Variants in EIF5B observed in about 807,000 individuals in gnomAD.
EIF5B encodes the protein eIF-5B.
In EIF5B, 47 loss-of-function variants were observed where a neutral mutation model predicts 147.5. That is an observed-to-expected ratio of 0.32 (90% confidence interval 0.25 to 0.41). The LOEUF is 0.41. EIF5B is among the 10% of genes least tolerant of loss of function. The pLI is 1.00. For missense variants in EIF5B, 1,064 were observed against 1,413.2 expected (o/e 0.75, Z 3.96); for synonymous variants, 455 against 456.2 (o/e 1.00, Z 0.03).
intron 1 of EIF5B, among the ~76,000 whole-genome samples, chr2:99,343,490 G>T (rs11123783): frequency 0.83 from 126,471 of 151,954 alleles, 53,209 homozygotes; most frequent in Middle Eastern, 0.98. Flanking sequence ...GCCAAATCCA[G>T]GGTCGTGAAG....
intron 1 of EIF5B, among the ~76,000 whole-genome samples, chr2:99,348,363 G>A (rs1315551131): frequency 6.6e-6 from 1 of 152,214 alleles, no homozygotes; most frequent in Non-Finnish European, 1.5e-5. Context: ...AGAGTTGAGA[G>A]TGAAAACTGT....
In EIF5B at chr2:99,382,216, G is replaced by C; in HGVS notation, c.2119G>C (p.Glu707Gln). 6.2e-7 allele frequency: 1 copy of C among 1,612,946 alleles called. No individual in the cohort carries two copies. The change falls in exon 13 of 24, where the codon GAA becomes CAA. Residue 707 changes from glutamate to glutamine, a missense_variant. Transcript: ENST00000289371. ...GMLIIDTPGH[E>Q]SFSNLRNRGS... ...GCTAATTATTGATACTCCTGGGCATGAATCTTTCAGGTAAGAGCAATTTGA... is the reference window on the plus strand; with the variant it reads ...GCTAATTATTGATACTCCTGGGCATCAATCTTTCAGGTAAGAGCAATTTGA...
In EIF5B at chr2:99,361,395, A is replaced by G; in HGVS notation, c.494A>G (p.Glu165Gly). The G allele has an allele frequency of 6.2e-7, 1 of 1,613,926 alleles. No individual in the cohort carries two copies. The highest frequency in any genetic ancestry group is 8.5e-7 in the Non-Finnish European group (1 of 1,180,008). The change falls in exon 4 of 24, where the codon GAG (glutamate) becomes GGG (glycine). Residue 165 changes from glutamate (E) to glycine (G), a missense_variant. Glu to Gly is a moderately conservative substitution (Grantham distance 98). Transcript: ENST00000289371. ...QKSNKKWDGS[E>G]EDEDNSKKIK... Reference sequence around the variant, plus strand: ...TCAAATAAGAAGTGGGATGGGTCAGAGGAGGATGAGGATAACAGTAAAAAA... The same window carrying G: ...TCAAATAAGAAGTGGGATGGGTCAGGGGAGGATGAGGATAACAGTAAAAAA...
At chr2:99,351,691 T>G (rs1673968557) in intron 1 of EIF5B, among the ~76,000 whole-genome samples, 1 of 152,052 alleles carries the variant, frequency 6.6e-6, no homozygotes, top group Non-Finnish European at 1.5e-5. Context: ...CATTGTGTTT[T>G]TTTTTTGTTT....
At chr2:99,337,740 A>G in intron 1 of EIF5B, 151 bp downstream of exon 1, 1 of 1,058,868 alleles carries the variant, frequency 9.4e-7, no homozygotes, top group South Asian at 1.8e-5. Context: ...AGCGGGCCCA[A>G]GCCCCCGGGC....
At chr2:99,375,018 A>G (rs7606977) in intron 9 of EIF5B, among the ~76,000 whole-genome samples, 66,366 of 151,712 alleles carry the variant, frequency 0.44, 14,779 homozygotes, top group Admixed American at 0.57. Flanking sequence ...TGAGTTCTCA[A>G]TTTCATTTGT....
At chr2:99,384,085 T>C (rs1310819673) in intron 14 of EIF5B, among the ~76,000 whole-genome samples, 1 of 149,488 alleles carries the variant, frequency 6.7e-6, no homozygotes, top group Non-Finnish European at 1.5e-5. Flanking sequence ...TAGTCCCAGC[T>C]ACTCGGGAGG....
intron 17 of EIF5B, 25 bp downstream of exon 17, chr2:99,390,730 C>CA (rs1559260071): frequency 6.3e-7 from 1 of 1,587,454 alleles, no homozygotes; most frequent in East Asian, 2.3e-5. Context: ...GAAGCATTGA[C>CA]ACGTGGGGAC....
chr2:99,360,252 G>T lies in EIF5B; in HGVS notation c.52G>T (p.Asp18Tyr). The change falls in exon 2 of 24, where the codon GAT (aspartate) becomes TAT (tyrosine). Residue 18 changes from aspartate (D) to tyrosine (Y), a missense_variant. Asp to Tyr is a radical substitution (Grantham distance 160). Transcript: ENST00000289371. ...TCATTTAAGCACCAAGGATGACATT[G>T]ATCTTGATGCCTTGGCTGCAGAAAT... The part of the protein sequence containing the change: ...KSEDSTKDDI[D>Y]LDALAAEIEG... 1.2e-6 allele frequency: 2 copies of T among 1,602,804 alleles called. No homozygotes were observed. Among genetic ancestry groups the T allele is most frequent in the Non-Finnish European group, 1.7e-6 (2 of 1,176,830 alleles).
Position 99,397,216 on chromosome 2 carries a change from CTTTTA to C in EIF5B, c.3393+328_3393+332del, listed in dbSNP as rs557307623. ...GCTCCAAGGCACTTTACATTATTGC[CTTTTA>C]TTTTATTTTGAAAGGTTTCAAGCCT... On this transcript the variant is annotated intron_variant, in intron 22 of 23. Transcript: ENST00000289371. The C allele has an allele frequency of 3.8e-4, 73 of 194,482 alleles. 1 individual carries two copies. The highest frequency in any genetic ancestry group is 2.0e-3 in the Middle Eastern group (1 of 508). The allele number at this position is 194,482 out of a possible 1,614,324, so 12.0% of individuals were successfully genotyped here. A position where few individuals can be genotyped will look rare whatever the true frequency, so the allele number is the denominator to read the frequency against.
intron 1 of EIF5B, 46 bp from the exon 2 acceptor site, chr2:99,360,190 A>G (rs924203481): frequency 6.4e-7 from 1 of 1,550,404 alleles, no homozygotes; most frequent in Non-Finnish European, 8.6e-7. Context: ...ATGAATGATT[A>G]TTTTGCTTTT....
At chr2:99,383,050 G>C (rs1674725253) in intron 14 of EIF5B, 129 bp downstream of exon 14, 2 of 1,002,624 alleles carry the variant, frequency 2.0e-6, no homozygotes, top group Admixed American at 6.9e-5. Context: ...GTGCTTCACA[G>C]ATATTGTGTG....
In EIF5B at chr2:99,400,049, A is replaced by AAAAC. The variant is rs927761629; in HGVS notation, c.*637_*640dup. 1.3e-5 allele frequency: 2 copies of AAAAC among 152,398 alleles called. No individual in the cohort carries two copies. Among genetic ancestry groups the AAAAC allele is most frequent in the African/African-American group, 4.8e-5 (2 of 41,576 alleles). The allele number at this position is 152,398 out of a possible 1,614,324, so 9.4% of individuals were successfully genotyped here. On this transcript the variant is annotated 3_prime_UTR_variant, in exon 24 of 24. Transcript: ENST00000289371. The stretch of plus-strand genomic sequence containing the variant: ...ATTCTAAACCAAACTACCAATAAAG[A>AAAAC]AAACAGACATCCACCAGTAAGCAAG...
In EIF5B at chr2:99,361,399, G is replaced by A; in HGVS notation, c.498G>A (p.Glu166=). 1 of 1,613,774 alleles carries A rather than the reference G, an allele frequency of 6.2e-7. No homozygotes were observed. Among genetic ancestry groups the A allele is most frequent in the Non-Finnish European group, 8.5e-7 (1 of 1,179,994 alleles). The change falls in exon 4 of 24, where the codon GAG becomes GAA. Residue 166 remains glutamate, a synonymous_variant. Transcript: ENST00000289371. ...ATAAGAAGTGGGATGGGTCAGAGGA[G>A]GATGAGGATAACAGTAAAAAAATTA... ...KSNKKWDGSE[E]DEDNSKKIKE...
At chr2:99,345,540 G>C (rs1411028096) in intron 1 of EIF5B, among the ~76,000 whole-genome samples, 1 of 148,528 alleles carries the variant, frequency 6.7e-6, no homozygotes, top group Non-Finnish European at 1.5e-5. Flanking sequence ...GTTGCAGTGA[G>C]CCAGGATTGC....
At position 99,394,893 on chromosome 2, in the gene EIF5B, T is replaced by C; in HGVS notation, c.3254+10T>C. ...AACAAGAAGAATTTAAGTAAGTTAC[T>C]GTTTTTATTTACTTTGAGTCTTTGT... On this transcript the variant is annotated intron_variant, in intron 21 of 23. Coordinates refer to ENST00000289371, the MANE Select transcript of EIF5B (RefSeq NM_015904.4). 1 of 1,556,208 alleles carries C rather than the reference T, an allele frequency of 6.4e-7. No individual in the cohort carries two copies. The highest frequency in any genetic ancestry group is 8.7e-7 in the Non-Finnish European group (1 of 1,146,884).
At chr2:99,360,117 A>C in intron 1 of EIF5B, 119 bp from the exon 2 acceptor site, 1 of 1,244,862 alleles carries the variant, frequency 8.0e-7, no homozygotes, top group Non-Finnish European at 1.1e-6. Flanking sequence ...AGAACTTGCC[A>C]AATGATTTTT....
intron 1 of EIF5B, among the ~76,000 whole-genome samples, chr2:99,352,571 G>C (rs1179485944): frequency 6.7e-6 from 1 of 150,142 alleles, no homozygotes; most frequent in Non-Finnish European, 1.5e-5. Context: ...GCTCAGGCTG[G>C]AGCACAGTGA....
chr2:99,357,728 T>C (rs1252307853), intron 1 of EIF5B, among the ~76,000 whole-genome samples: 1 of 152,208 alleles, frequency 6.6e-6, no homozygotes, highest in East Asian at 1.9e-4. Context: ...TCTCTTCTCA[T>C]GCAGTTGTCA....
Sources: allele counts gnomAD v4.1 joint callset (sites outside exome capture counted in the v4.1 genomes callset), GRCh38; gene constraint gnomAD v4.1.1; transcripts MANE v1.5; gene names NCBI Gene and HGNC (gene_info 2026-07-23, HGNC 2026-07-21).